Variants in OR4E2 observed in about 807,000 individuals in gnomAD.
OR4E2 encodes olfactory receptor 4E2.
A neutral mutation model predicts 11.0 loss-of-function variants in OR4E2; 9 were observed. That is an observed-to-expected ratio of 0.82 (90% confidence interval 0.49 to 1.43). The LOEUF is 1.43. OR4E2 is among the 40% of genes most tolerant of loss of function. The pLI, the probability that OR4E2 is intolerant of heterozygous loss-of-function variation, is 0.00. For missense variants in OR4E2, 441 were observed against 382.0 expected, an observed-to-expected ratio of 1.15 and a Z score of -1.29; for synonymous variants, 159 against 147.3, an observed-to-expected ratio of 1.08 and a Z score of -0.57.
Position 21,665,711 on chromosome 14 carries a change from GT to G in OR4E2, c.632del (p.Phe211SerfsTer72). 1 of 1,614,132 alleles carries G rather than the reference GT, an allele frequency of 6.2e-7. No homozygotes were observed. Among genetic ancestry groups the G allele is most frequent in the Non-Finnish European group, 8.5e-7 (1 of 1,180,016 alleles). On this transcript the variant is annotated frameshift_variant, in exon 4 of 4. Coordinates refer to ENST00000641524, the MANE Select transcript of OR4E2 (RefSeq NM_001001912.3). LOFTEE classifies it high-confidence loss of function. ...AATAGTGGAACCATCTCCCTCTCCT[GT>G]TTCTTGGCCGTGGTCACCTCCTATA... is the stretch of plus-strand genomic sequence containing the variant. ...VTNSGTISLS[C>X]FLAVVTSYMV... is the part of the protein sequence containing the mutation.
chr14:21,666,606 G>A lies in OR4E2; in HGVS notation c.*582G>A, dbSNP rs1041894116. The stretch of plus-strand genomic sequence containing the variant: ...GTACTATTCCTGCAACTTCCTGTAA[G>A]TCTGAAATTATTGTCAAAATAAAAA... On this transcript the variant is annotated 3_prime_UTR_variant, in exon 4 of 4. Transcript: ENST00000641524. 4 of 150,818 alleles carry A rather than the reference G, an allele frequency of 2.7e-5. No individual in the cohort carries two copies. The East Asian group carries it at 7.8e-4, about 29-fold the overall frequency. 9.3% of individuals were successfully genotyped at this position (150,818 alleles called of 1,614,324 possible).
chr14:21,660,913 G>A (rs1880286809), intron 3 of OR4E2, among the ~76,000 whole-genome samples, 167 bp downstream of exon 3: 1 of 152,302 alleles, frequency 6.6e-6, no homozygotes, highest in South Asian at 2.1e-4. Context: ...GTGATGAAAT[G>A]TCACTTGGTT....
intron 3 of OR4E2, among the ~76,000 whole-genome samples, chr14:21,664,384 A>G (rs953181509): frequency 2.6e-5 from 4 of 152,128 alleles, no homozygotes; most frequent in African/African-American, 9.7e-5. Flanking sequence ...GGCCACATAA[A>G]TGTCTTCTTT....
chr14:21,666,486 C>T lies in OR4E2; in HGVS notation c.*462C>T, dbSNP rs1880657288. ...TTTCAAGTGTATAAATAAGCCTTTA[C>T]TTATTTATATTGAATTAAACTTTTG... On this transcript the variant is annotated 3_prime_UTR_variant, in exon 4 of 4. Transcript: ENST00000641524. 6.6e-6 allele frequency: 1 copy of T among 152,346 alleles called. No homozygotes were observed. Among genetic ancestry groups the T allele is most frequent in the Non-Finnish European group, 1.5e-5 (1 of 68,312 alleles). 9.4% of individuals were successfully genotyped at this position (152,346 alleles called of 1,614,324 possible).
At chr14:21,657,153 C>G (rs1434113999) in intron 2 of OR4E2, among the ~76,000 whole-genome samples, 1 of 152,200 alleles carries the variant, frequency 6.6e-6, no homozygotes, top group Non-Finnish European at 1.5e-5. Flanking sequence ...AGTCCTTACG[C>G]AGCAAACCTG....
chr14:21,663,649 A>T (rs907582506), intron 3 of OR4E2, among the ~76,000 whole-genome samples: 1 of 152,202 alleles, frequency 6.6e-6, no homozygotes, highest in Non-Finnish European at 1.5e-5. Context: ...TCAAAGACAA[A>T]GTGAAGGATG....
At position 21,665,558 on chromosome 14, in the gene OR4E2, A is replaced by G; in HGVS notation, c.476A>G (p.Gln159Arg). 6.2e-7 allele frequency: 1 copy of G among 1,614,122 alleles called. No homozygotes were observed. The highest frequency in any genetic ancestry group is 8.5e-7 in the Non-Finnish European group (1 of 1,180,004). Residue 159 changes from glutamine to arginine, a missense_variant, in exon 4 of 4, where the codon CAG becomes CGG. Physicochemically the swap from Gln to Arg is conservative, Grantham distance 43. Transcript: ENST00000641524. ...WLGGTVHSLGQTFLTIRLPYC... is the reference protein window; with the variant it reads ...WLGGTVHSLGRTFLTIRLPYC... ...GGGGGTACTGTTCACTCACTAGGGC[A>G]GACCTTCTTGACTATTCGTCTACCT...
rs763818633 is a variant in OR4E2, at chr14:21,665,688, T to A, written c.606T>A (p.Asn202Lys). The change falls in exon 4 of 4, where the codon AAT becomes AAA. Residue 202 changes from asparagine (N) to lysine (K), a missense_variant. Asn to Lys is a moderately conservative substitution (Grantham distance 94). Transcript: ENST00000641524. Reference sequence around the variant, plus strand: ...TCACAGGAATACTGATTGTGACCAATAGTGGAACCATCTCCCTCTCCTGTT... The same window carrying A: ...TCACAGGAATACTGATTGTGACCAAAAGTGGAACCATCTCCCTCTCCTGTT... The part of the protein sequence containing the change: ...TYLTGILIVT[N>K]SGTISLSCFL... 2 of 1,613,994 alleles carry A rather than the reference T, an allele frequency of 1.2e-6. No homozygotes were observed. Among genetic ancestry groups the A allele is most frequent in the Non-Finnish European group, 1.7e-6 (2 of 1,180,000 alleles).
intron 3 of OR4E2, among the ~76,000 whole-genome samples, chr14:21,664,351 T>C (rs1880505845): frequency 6.6e-6 from 1 of 152,212 alleles, no homozygotes; most frequent in Non-Finnish European, 1.5e-5. Flanking sequence ...ATCAGTGATG[T>C]TGAGCTTTTT....
rs187385131 is a variant in OR4E2 at position 21,665,196 on chromosome 14, G to A, written c.114G>A (p.Thr38=). The change falls in exon 4 of 4, where the codon ACG becomes ACA. Residue 38 remains threonine, a synonymous_variant. Coordinates refer to ENST00000641524, the MANE Select transcript of OR4E2 (RefSeq NM_001001912.3). ...CATTCTCAGCCATTTATATGCTAACGCTTTCGGGGAACATTCTCATCATCA... is the reference window on the plus strand; with the variant it reads ...CATTCTCAGCCATTTATATGCTAACACTTTCGGGGAACATTCTCATCATCA... ...FMAFSAIYML[T]LSGNILIIIA... is the part of the protein sequence containing the mutation. The A allele has an allele frequency of 1.9e-4, 307 of 1,613,764 alleles. No individual in the cohort carries two copies. The highest frequency in any genetic ancestry group is 1.1e-3 in the African/African-American group (79 of 74,978).
intron 3 of OR4E2, among the ~76,000 whole-genome samples, chr14:21,661,373 G>T (rs139292962): frequency 4.5e-4 from 69 of 152,114 alleles, no homozygotes; most frequent in Middle Eastern, 3.4e-3. Flanking sequence ...AATCTTTTTC[G>T]ATTTCTTTCT....
intron 3 of OR4E2, among the ~76,000 whole-genome samples, chr14:21,664,410 C>T (rs1164591744): frequency 1.3e-5 from 2 of 152,052 alleles, no homozygotes; most frequent in Non-Finnish European, 2.9e-5. Context: ...AGTGTCTGTT[C>T]ATGTTCTTTG....
intron 3 of OR4E2, among the ~76,000 whole-genome samples, chr14:21,664,639 A>G (rs1173838074): frequency 6.6e-6 from 1 of 152,200 alleles, no homozygotes; most frequent in African/African-American, 2.4e-5. Context: ...CACATTGAAA[A>G]AATGAAAATG....
At chr14:21,663,434 C>T (rs1040292410) in intron 3 of OR4E2, among the ~76,000 whole-genome samples, 6 of 151,888 alleles carry the variant, frequency 4.0e-5, no homozygotes, top group African/African-American at 1.5e-4. Context: ...GAGCCGAGAC[C>T]ATGCCACTGC....
intron 3 of OR4E2, among the ~76,000 whole-genome samples, chr14:21,664,862 C>T (rs1337902212): frequency 6.6e-6 from 1 of 152,172 alleles, no homozygotes; most frequent in Admixed American, 6.5e-5. Flanking sequence ...ACAATTGATT[C>T]ATGTGCCATA....
chr14:21,657,457 TTCCTTCCTTCCTTCCTTCCTTCCTTC>T (rs1880053020), intron 2 of OR4E2, among the ~76,000 whole-genome samples: 288 of 68,362 alleles, frequency 4.2e-3, no homozygotes, highest in African/African-American at 0.02. Context: ...CCTTCCTTCC[TTCCTTCCTTCCTTCCTTCCTTCCTTC>T]CTTCCTTCCT....
intron 3 of OR4E2, among the ~76,000 whole-genome samples, chr14:21,664,575 A>G (rs955991424): frequency 1.3e-5 from 2 of 152,186 alleles, no homozygotes; most frequent in Non-Finnish European, 2.9e-5. Flanking sequence ...TGCCTGGAGG[A>G]CAGTGACTTG....
chr14:21,664,965 A>G, intron 3 of OR4E2, 110 bp from the exon 4 acceptor site: 3 of 645,390 alleles, frequency 4.6e-6, no homozygotes, highest in Non-Finnish European at 7.9e-6. Flanking sequence ...TTCATAAGCT[A>G]TATGCTCTGA....
chr14:21,663,251 G>A (rs1880434439), intron 3 of OR4E2, among the ~76,000 whole-genome samples: 1 of 152,112 alleles, frequency 6.6e-6, no homozygotes, highest in Non-Finnish European at 1.5e-5. Context: ...AGGCCGAGGT[G>A]GGTGGATCAC....
Sources: gnomAD v4.1 joint callset for allele counts (sites outside exome capture counted in the v4.1 genomes callset) on GRCh38, gnomAD v4.1.1 for gene constraint, MANE v1.5 for transcripts, NCBI Gene and HGNC (gene_info 2026-07-23, HGNC 2026-07-21) for gene names.